The following DGKI variants were observed in gnomAD, a reference collection of about 807,000 sequenced individuals.
DGKI encodes the protein DAG kinase iota.
A neutral mutation model predicts 147.5 loss-of-function variants in DGKI; 55 were observed. That is an observed-to-expected ratio of 0.37 (90% CI 0.30 to 0.47). DGKI has a LOEUF of 0.47. Among genes scored for constraint, DGKI ranks in the 20% least tolerant of loss-of-function variants. DGKI has a pLI of 1.00. For synonymous variants in DGKI, 469 were observed against 477.1 expected (o/e 0.98, Z 0.22); for missense variants, 1,007 against 1,323.8 (o/e 0.76, Z 3.71).
chr7:137,752,218 T>A (rs1179686005), intron 1 of DGKI, among the ~76,000 whole-genome samples: 3 of 151,758 alleles, frequency 2.0e-5, no homozygotes, highest in Non-Finnish European at 4.4e-5. Flanking sequence ...AGCACAAAAG[T>A]GTGGGTGGTG....
intron 17 of DGKI, 69 bp from the exon 18 acceptor site, chr7:137,572,907 A>ATT (rs1401591205): frequency 4.1e-5 from 47 of 1,147,378 alleles, no homozygotes; most frequent in Non-Finnish European, 5.8e-5. Context: ...AAAGATAACT[A>ATT]GTTTGACAAT....
At chr7:137,587,074 C>A in intron 13 of DGKI, 23 bp downstream of exon 13, 1 of 1,523,178 alleles carries the variant, frequency 6.6e-7, no homozygotes, top group South Asian at 1.3e-5. Context: ...ATGATATGGG[C>A]AGTCCCCGAG....
At chr7:137,581,724 A>G in intron 15 of DGKI, 126 bp downstream of exon 15, 1 of 753,592 alleles carries the variant, frequency 1.3e-6, no homozygotes, top group Non-Finnish European at 2.2e-6. Context: ...GTCATCCTGA[A>G]GGTTAAAATG....
chr7:137,843,384 G>C (rs1798604367), intron 1 of DGKI: 3 of 983,362 alleles, frequency 3.1e-6, no homozygotes, highest in Non-Finnish European at 3.6e-6. Flanking sequence ...TAAAAGAAAA[G>C]TACCAGCTCA....
At chr7:137,475,777 T>C (rs1039873157) in intron 23 of DGKI, among the ~76,000 whole-genome samples, 4 of 152,188 alleles carry the variant, frequency 2.6e-5, no homozygotes, top group Admixed American at 2.6e-4. Context: ...TTTACCAAGT[T>C]TCAACTTCTT....
chr7:137,444,913 G>T (rs1455191085), intron 27 of DGKI, among the ~76,000 whole-genome samples: 1 of 152,140 alleles, frequency 6.6e-6, no homozygotes, highest in Non-Finnish European at 1.5e-5. Flanking sequence ...GAAAGAGAGA[G>T]ACATATAACA....
At chr7:137,604,648 G>A (rs944898438) in intron 10 of DGKI, among the ~76,000 whole-genome samples, 1 of 152,148 alleles carries the variant, frequency 6.6e-6, no homozygotes, top group Non-Finnish European at 1.5e-5. Flanking sequence ...CGAACAGTGT[G>A]CAAAGCCAGG....
At chr7:137,707,640 C>G (rs767828442) in intron 1 of DGKI, among the ~76,000 whole-genome samples, 8 of 152,166 alleles carry the variant, frequency 5.3e-5, no homozygotes, top group Non-Finnish European at 8.8e-5. Context: ...TCCTCCTGCT[C>G]TGGTCATATA....
chr7:137,745,208 A>C (rs1356191748), intron 1 of DGKI, among the ~76,000 whole-genome samples: 1 of 152,224 alleles, frequency 6.6e-6, no homozygotes, highest in African/African-American at 2.4e-5. Flanking sequence ...TTAGATACAA[A>C]CTAGCCGGTG....
intron 20 of DGKI, among the ~76,000 whole-genome samples, chr7:137,551,692 C>A (rs915246795): frequency 6.6e-6 from 1 of 152,120 alleles, no homozygotes; most frequent in Non-Finnish European, 1.5e-5. Context: ...AAATATCTAG[C>A]CAATATTACC....
At chr7:137,598,528 T>A (rs1220063063) in intron 11 of DGKI, among the ~76,000 whole-genome samples, 1 of 152,200 alleles carries the variant, frequency 6.6e-6, no homozygotes, top group Non-Finnish European at 1.5e-5. Context: ...TTGACTGATT[T>A]TTATTTATTT....
At chr7:137,546,465 G>C (rs1197535656) in intron 20 of DGKI, among the ~76,000 whole-genome samples, 1 of 152,194 alleles carries the variant, frequency 6.6e-6, no homozygotes, top group Non-Finnish European at 1.5e-5. Context: ...CTTAAAAAGA[G>C]TGTCTCAACC....
intron 1 of DGKI, among the ~76,000 whole-genome samples, chr7:137,785,143 G>C (rs908295985): frequency 6.6e-6 from 1 of 151,350 alleles, no homozygotes; most frequent in Non-Finnish European, 1.5e-5. Context: ...AAATGAAACT[G>C]AAACAACAAC....
At chr7:137,634,355 C>G (rs7788632) in intron 6 of DGKI, among the ~76,000 whole-genome samples, 1 of 152,054 alleles carries the variant, frequency 6.6e-6, no homozygotes, top group Non-Finnish European at 1.5e-5. Flanking sequence ...CCCTGTGATG[C>G]TTATAACAAG....
At chr7:137,578,944 T>G (rs1055019561) in intron 15 of DGKI, among the ~76,000 whole-genome samples, 2 of 152,190 alleles carry the variant, frequency 1.3e-5, no homozygotes, top group Non-Finnish European at 2.9e-5. Context: ...ATACAATATA[T>G]GTAGTTATGC....
rs59407060 is a variant in DGKI at position 137,722,889 on chromosome 7, T to TAAAA, written c.402-32891_402-32888dup. 1,720 of 596,324 alleles carry TAAAA rather than the reference T, an allele frequency of 2.9e-3. 16 individuals are homozygous for TAAAA. The highest frequency in any genetic ancestry group is 0.024 in the African/African-American group (1,234 of 51,488). 36.9% of individuals were successfully genotyped at this position (596,324 alleles called of 1,614,324 possible). On this transcript the variant is annotated intron_variant, in intron 1 of 32. Transcript: ENST00000614521. ...AACTTAATTAAATAGTTGACTACGT[T>TAAAA]AAAAAAAAAAAAAAGTATAGCATAG...
At chr7:137,526,060 T>C (rs1441118185) in intron 20 of DGKI, among the ~76,000 whole-genome samples, 1 of 152,176 alleles carries the variant, frequency 6.6e-6, no homozygotes, top group Non-Finnish European at 1.5e-5. Context: ...TTCAATTTCA[T>C]ACCTTTATGT....
intron 29 of DGKI, among the ~76,000 whole-genome samples, chr7:137,411,234 C>T (rs1191636982): frequency 6.6e-6 from 1 of 152,184 alleles, no homozygotes; most frequent in Non-Finnish European, 1.5e-5. Context: ...AGATCAGTTC[C>T]AGCAGGGGGT....
chr7:137,784,764 T>C (rs1585488507), intron 1 of DGKI, among the ~76,000 whole-genome samples: 1 of 152,162 alleles, frequency 6.6e-6, no homozygotes, highest in East Asian at 1.9e-4. Flanking sequence ...ATAGAAATTA[T>C]ATCAAGTACC....
Sources: allele counts gnomAD v4.1 joint callset (sites outside exome capture counted in the v4.1 genomes callset), GRCh38; gene constraint gnomAD v4.1.1; transcripts MANE v1.5; gene names NCBI Gene and HGNC (gene_info 2026-07-23, HGNC 2026-07-21).